NFATC3: variants seen among roughly 807,000 people sequenced by gnomAD.
NFATC3 encodes the protein nuclear factor of activated T-cells, cytoplasmic 3.
A neutral mutation model predicts 98.6 loss-of-function variants in NFATC3; 46 were observed. The observed-to-expected ratio is 0.47, with a 90% CI of 0.37 to 0.60. The LOEUF (loss-of-function observed/expected upper bound fraction) is 0.60. Ranked by LOEUF, NFATC3 falls within the 20% of genes least tolerant of loss-of-function variation. The probability of loss-of-function intolerance (pLI) is 0.00; values close to 1 mark genes in which losing one functional copy is unlikely to be tolerated. For missense variants in NFATC3, 1,256 were observed against 1,295.5 expected (o/e 0.97, Z 0.47); for synonymous variants, 512 against 472.2 (o/e 1.08, Z -1.09).
chr16:68,217,464 CAAAAAAAAAAAAAA>C (rs68079157), intron 9 of NFATC3, among the ~76,000 whole-genome samples: 1 of 44,962 alleles, frequency 2.2e-5, no homozygotes, highest in African/African-American at 8.4e-5. Flanking sequence ...GTCTCTGTCT[CAAAAAAAAAAAAAA>C]AAAAAAAAAA....
At chr16:68,179,555 C>A in intron 6 of NFATC3, among the ~76,000 whole-genome samples, 1 of 152,122 alleles carries the variant, frequency 6.6e-6, no homozygotes, top group Non-Finnish European at 1.5e-5. Context: ...CTTCACAGAC[C>A]AGATGAAGAA....
chr16:68,156,810 G>A (rs2038642094), intron 3 of NFATC3, among the ~76,000 whole-genome samples: 1 of 151,756 alleles, frequency 6.6e-6, no homozygotes, highest in South Asian at 2.1e-4. Context: ...ATGTTGGTGG[G>A]TGCCTGTAAT....
intron 1 of NFATC3, among the ~76,000 whole-genome samples, chr16:68,088,366 T>A (rs36046686): frequency 2.7e-5 from 4 of 146,242 alleles, no homozygotes; most frequent in African/African-American, 7.5e-5. Context: ...AAAATACATA[T>A]ATATTTACAT....
chr16:68,206,579 CTA>C (rs2041153684), intron 9 of NFATC3, among the ~76,000 whole-genome samples: 1 of 152,108 alleles, frequency 6.6e-6, no homozygotes, highest in Non-Finnish European at 1.5e-5. Flanking sequence ...GAGGAATAAT[CTA>C]TTGGAATATT....
chr16:68,221,224 G>A, intron 9 of NFATC3: 1 of 1,614,074 alleles, frequency 6.2e-7, no homozygotes, highest in Non-Finnish European at 8.5e-7. Flanking sequence ...ATTTTGACTT[G>A]CTTCAGTTGA....
At position 68,142,836 on chromosome 16, in the gene NFATC3, A is replaced by G. The variant is rs1295538410; in HGVS notation, c.1402-15033A>G. On this transcript the variant is annotated intron_variant, in intron 3 of 9. Coordinates refer to ENST00000346183, the MANE Select transcript of NFATC3 (RefSeq NM_173165.3). The stretch of plus-strand genomic sequence containing the variant: ...AGGTATATGATCGTATCTTTGGCAA[A>G]TAGAGATAGTTTGACTTCTTCTTTT... Among the ~76,000 whole-genome samples the G allele has an allele frequency of 3.3e-5, 5 of 152,146 alleles. No individual in the cohort carries two copies. In the East Asian group the frequency reaches 5.8e-4, roughly 18 times the overall value.
chr16:68,209,932 G>T (rs1340386433), intron 9 of NFATC3, among the ~76,000 whole-genome samples: 3 of 152,044 alleles, frequency 2.0e-5, no homozygotes, highest in Non-Finnish European at 1.5e-5. Context: ...TTGGGAGGCC[G>T]AGGTGGGCAG....
chr16:68,113,126 C>G (rs532046320), intron 1 of NFATC3, among the ~76,000 whole-genome samples: 310 of 152,172 alleles, frequency 2.0e-3, no homozygotes, highest in Non-Finnish European at 3.9e-3. Flanking sequence ...GTTCTCTGCC[C>G]TTGATGGAGA....
intron 7 of NFATC3, 125 bp from the exon 8 acceptor site, chr16:68,183,115 C>T: frequency 2.2e-6 from 2 of 904,558 alleles, no homozygotes; most frequent in Non-Finnish European, 3.3e-6. Context: ...ATGTATATGA[C>T]TAGCTGATGT....
chr16:68,092,732 C>A (rs75735284), intron 1 of NFATC3, among the ~76,000 whole-genome samples: 17,986 of 152,026 alleles, frequency 0.12, 1,204 homozygotes, highest in South Asian at 0.2. Context: ...TTCTTAAAAA[C>A]AAAAACAAAC....
chr16:68,096,396 A>G (rs1028286872), intron 1 of NFATC3, among the ~76,000 whole-genome samples: 1 of 152,236 alleles, frequency 6.6e-6, no homozygotes, highest in Non-Finnish European at 1.5e-5. Flanking sequence ...GGAACATTGT[A>G]TGAGATCTTA....
At chr16:68,114,630 T>C (rs1281760787) in intron 1 of NFATC3, among the ~76,000 whole-genome samples, 1 of 151,088 alleles carries the variant, frequency 6.6e-6, no homozygotes, top group Non-Finnish European at 1.5e-5. Context: ...GCTGGAGTGC[T>C]GTGGTGCAAT....
intron 1 of NFATC3, among the ~76,000 whole-genome samples, chr16:68,106,785 G>A (rs1301933205): frequency 6.6e-6 from 1 of 150,892 alleles, no homozygotes; most frequent in Admixed American, 6.6e-5. Flanking sequence ...TTGGATACAT[G>A]TGCAGGATAT....
At chr16:68,202,561 C>T (rs2040970025) in intron 9 of NFATC3, among the ~76,000 whole-genome samples, 1 of 152,254 alleles carries the variant, frequency 6.6e-6, no homozygotes, top group East Asian at 1.9e-4. Context: ...CCTGTAATCC[C>T]AGCACTTTGG....
intron 9 of NFATC3, among the ~76,000 whole-genome samples, chr16:68,197,294 T>C (rs2151126938): frequency 6.6e-6 from 1 of 152,216 alleles, no homozygotes; most frequent in East Asian, 1.9e-4. Flanking sequence ...TTCATTTTAT[T>C]ATTCTTGAAG....
intron 3 of NFATC3, among the ~76,000 whole-genome samples, chr16:68,149,809 C>T (rs1182783748): frequency 6.6e-6 from 1 of 152,082 alleles, no homozygotes; most frequent in Non-Finnish European, 1.5e-5. Context: ...ATTAATAATA[C>T]TAAAATAGAA....
intron 9 of NFATC3, among the ~76,000 whole-genome samples, chr16:68,219,775 C>T (rs987632413): frequency 3.9e-5 from 6 of 152,014 alleles, no homozygotes; most frequent in South Asian, 2.1e-4. Flanking sequence ...TAGAAAGGCC[C>T]GTTGGGATTT....
chr16:68,085,610 G>T lies in NFATC3; in HGVS notation c.-72G>T. The T allele has an allele frequency of 7.5e-7, 1 of 1,342,012 alleles. No individual in the cohort carries two copies. 83.1% of individuals were successfully genotyped at this position (1,342,012 alleles called of 1,614,324 possible). On this transcript the variant is annotated 5_prime_UTR_variant, in exon 1 of 10. Transcript: ENST00000346183. ...CGGCCCGGCATGAAGCGGCGTTGAG[G>T]AGCTGCTGCCGCCGCTTGCCGCTGC...
chr16:68,123,707 A>T (rs1412098980), intron 2 of NFATC3, among the ~76,000 whole-genome samples: 2 of 151,938 alleles, frequency 1.3e-5, no homozygotes, highest in African/African-American at 4.8e-5. Context: ...TTACTAAGAA[A>T]ACTATTTGGG....
Sources: gnomAD v4.1 joint callset for allele counts (sites outside exome capture counted in the v4.1 genomes callset) on GRCh38, gnomAD v4.1.1 for gene constraint, MANE v1.5 for transcripts, NCBI Gene and HGNC (gene_info 2026-07-23, HGNC 2026-07-21) for gene names.